Variants in MEGF9 observed in about 807,000 individuals in gnomAD.
The protein encoded by MEGF9 is multiple EGF like domains 9, also known as multiple epidermal growth factor-like domains protein 9.
A neutral mutation model predicts 46.8 loss-of-function variants in MEGF9; 6 were observed. The ratio of observed to expected loss-of-function variants is 0.13; its 90% confidence interval spans 0.07 to 0.25. MEGF9 has a LOEUF of 0.25. MEGF9 is among the 10% of genes least tolerant of loss of function. The pLI is 1.00. For missense variants in MEGF9, 683 were observed against 792.4 expected (o/e 0.86, Z 1.66); for synonymous variants, 302 against 330.7 (o/e 0.91, Z 0.94).
chr9:120,622,865 A>G, intron 2 of MEGF9, 110 bp from the exon 3 acceptor site: 1 of 1,045,578 alleles, frequency 9.6e-7, no homozygotes, highest in Non-Finnish European at 1.4e-6. Context: ...ATATATACTT[A>G]CCATATCTCA....
chr9:120,624,132 G>A (rs1176145376), intron 2 of MEGF9, among the ~76,000 whole-genome samples: 14 of 152,198 alleles, frequency 9.2e-5, no homozygotes. Context: ...TCTATCTGGA[G>A]GATCTGCTCC....
At chr9:120,631,779 C>T (rs531887805) in intron 2 of MEGF9, among the ~76,000 whole-genome samples, 1 of 152,130 alleles carries the variant, frequency 6.6e-6, no homozygotes, top group Admixed American at 6.6e-5. Flanking sequence ...GCCACTGTGC[C>T]CGGCCCTGTA....
intron 2 of MEGF9, among the ~76,000 whole-genome samples, chr9:120,647,190 T>C (rs1031693259): frequency 1.3e-5 from 2 of 151,420 alleles, no homozygotes; most frequent in African/African-American, 2.4e-5. Flanking sequence ...ATCTAGTTAA[T>C]GATTAGACTA....
intron 1 of MEGF9, among the ~76,000 whole-genome samples, chr9:120,694,529 C>T (rs2043866185): frequency 6.6e-6 from 1 of 152,188 alleles, no homozygotes; most frequent in African/African-American, 2.4e-5. Flanking sequence ...AATTATGGGC[C>T]TCCACTTCTT....
intron 1 of MEGF9, among the ~76,000 whole-genome samples, chr9:120,686,530 T>C (rs1250433139): frequency 6.6e-6 from 1 of 152,236 alleles, no homozygotes; most frequent in Non-Finnish European, 1.5e-5. Context: ...AACCCATAAT[T>C]TGAAAAGGAG....
At chr9:120,710,833 G>C (rs915610841) in intron 1 of MEGF9, among the ~76,000 whole-genome samples, 1 of 152,142 alleles carries the variant, frequency 6.6e-6, no homozygotes, top group Admixed American at 6.5e-5. Flanking sequence ...AAGTAGACTG[G>C]AGCCCATGCT....
At chr9:120,668,816 A>T (rs1436446048) in intron 1 of MEGF9, among the ~76,000 whole-genome samples, 2 of 152,242 alleles carry the variant, frequency 1.3e-5, no homozygotes, top group Non-Finnish European at 2.9e-5. Flanking sequence ...GAATCTGAGT[A>T]TCAGATAGAT....
chr9:120,704,893 A>G (rs76358332), intron 1 of MEGF9, among the ~76,000 whole-genome samples: 2,289 of 152,304 alleles, frequency 0.015, 57 homozygotes, highest in African/African-American at 0.052. Flanking sequence ...TTAATTATAT[A>G]CTGGTATGCA....
chr9:120,627,926 C>T (rs966865851), intron 2 of MEGF9, among the ~76,000 whole-genome samples: 1 of 152,106 alleles, frequency 6.6e-6, no homozygotes, highest in African/African-American at 2.4e-5. Flanking sequence ...CTTCTTCCTC[C>T]ACTTTTAAAA....
At chr9:120,637,785 T>C (rs1402265681) in intron 2 of MEGF9, among the ~76,000 whole-genome samples, 9 of 88,154 alleles carry the variant, frequency 1.0e-4, no homozygotes, top group Admixed American at 4.5e-4. Flanking sequence ...GGCAAGACTC[T>C]GTCTCAAAAA....
intron 2 of MEGF9, among the ~76,000 whole-genome samples, chr9:120,631,558 C>T (rs866171377): frequency 2.0e-5 from 3 of 151,384 alleles, no homozygotes; most frequent in Non-Finnish European, 4.4e-5. Context: ...AATCTCAACT[C>T]ACTGCAACCT....
rs921211368 is a variant in MEGF9, at chr9:120,601,040, A to G, written c.*4150T>C. 3 of 152,686 alleles carry G rather than the reference A, an allele frequency of 2.0e-5. No individual in the cohort carries two copies. Among genetic ancestry groups the G allele is most frequent in the African/African-American group, 7.2e-5 (3 of 41,474 alleles). The allele number at this position is 152,686 out of a possible 1,614,324, so 9.5% of individuals were successfully genotyped here. ...AATGCATGATGAAGCCTAGTACAGC[A>G]TATGTATGAGACACATTTTTTAAGT... On this transcript the variant is annotated 3_prime_UTR_variant, in exon 6 of 6. Transcript: ENST00000373930.
intron 2 of MEGF9, among the ~76,000 whole-genome samples, chr9:120,627,188 GA>G: frequency 6.6e-6 from 1 of 152,086 alleles, no homozygotes; most frequent in Non-Finnish European, 1.5e-5. Flanking sequence ...AGTTTTGGGG[GA>G]AAAAATTTTA....
At chr9:120,687,811 C>T (rs2043830269) in intron 1 of MEGF9, among the ~76,000 whole-genome samples, 1 of 149,694 alleles carries the variant, frequency 6.7e-6, no homozygotes, top group Non-Finnish European at 1.5e-5. Context: ...CACCAGGAGG[C>T]TATGATCATA....
At chr9:120,666,225 C>CA (rs1382682975) in intron 1 of MEGF9, among the ~76,000 whole-genome samples, 2 of 152,168 alleles carry the variant, frequency 1.3e-5, no homozygotes, top group African/African-American at 2.4e-5. Context: ...ATTAAGAATA[C>CA]AAAAAACCTG....
At chr9:120,661,892 C>A (rs1351906447) in intron 1 of MEGF9, among the ~76,000 whole-genome samples, 2 of 152,142 alleles carry the variant, frequency 1.3e-5, no homozygotes, top group African/African-American at 2.4e-5. Context: ...TGAAATCGGG[C>A]AGAAATTCAA....
chr9:120,619,262 G>A (rs929492764), intron 3 of MEGF9, among the ~76,000 whole-genome samples: 26 of 152,174 alleles, frequency 1.7e-4, no homozygotes, highest in African/African-American at 2.2e-4. Context: ...CAGGAGAATC[G>A]CTTGAACCCA....
At chr9:120,650,249 T>C (rs1462485064) in intron 2 of MEGF9, among the ~76,000 whole-genome samples, 1 of 152,218 alleles carries the variant, frequency 6.6e-6, no homozygotes, top group Non-Finnish European at 1.5e-5. Flanking sequence ...ATTGTCTACA[T>C]ATAAAGGCAT....
At chr9:120,614,960 C>A (rs2132300479) in intron 3 of MEGF9, among the ~76,000 whole-genome samples, 1 of 151,856 alleles carries the variant, frequency 6.6e-6, no homozygotes, top group South Asian at 2.1e-4. Flanking sequence ...TATGTATATG[C>A]CAGGCATGGT....
Sources: allele counts gnomAD v4.1 joint callset (sites outside exome capture counted in the v4.1 genomes callset), GRCh38; gene constraint gnomAD v4.1.1; transcripts MANE v1.5; gene names NCBI Gene and HGNC (gene_info 2026-07-23, HGNC 2026-07-21).